CPED1: variants seen among roughly 807,000 people sequenced by gnomAD.
CPED1 encodes the protein cadherin like and PC-esterase domain containing 1, also known as cadherin-like and PC-esterase domain-containing protein 1.
Under a neutral mutation model 128.2 loss-of-function variants are expected in CPED1, and 114 were observed. The ratio of observed to expected loss-of-function variants is 0.89; its 90% CI spans 0.76 to 1.04. CPED1 has a LOEUF of 1.04. Among genes scored for constraint, CPED1 ranks in the 50% least tolerant of loss-of-function variants. CPED1 has a pLI of 0.00. For missense variants in CPED1, 1,211 were observed against 1,207.1 expected, an observed-to-expected ratio of 1.00 and a Z score of -0.05; for synonymous variants, 462 against 426.7, an observed-to-expected ratio of 1.08 and a Z score of -1.02.
chr7:121,050,905 C>G (rs1323139715), intron 4 of CPED1: 2 of 484,154 alleles, frequency 4.1e-6, no homozygotes, highest in East Asian at 1.2e-4. Context: ...TCCTCGTCAC[C>G]AGGATGCCCA....
At chr7:121,222,968 C>A (rs949257285) in intron 16 of CPED1, among the ~76,000 whole-genome samples, 1 of 152,108 alleles carries the variant, frequency 6.6e-6, no homozygotes, top group Non-Finnish European at 1.5e-5. Flanking sequence ...GCCTGATTGC[C>A]CTGGCCAGAA....
At chr7:120,998,266 G>C (rs1331252861) in intron 2 of CPED1, among the ~76,000 whole-genome samples, 1 of 152,098 alleles carries the variant, frequency 6.6e-6, no homozygotes, top group Non-Finnish European at 1.5e-5. Context: ...AGCAGCTCTA[G>C]GAAACTAATA....
rs918613461 is a variant in CPED1, at chr7:121,142,604, A to C, written c.2055+463A>C. Among the ~76,000 whole-genome samples the C allele has an allele frequency of 7.9e-5, 12 of 152,094 alleles. No individual in the cohort carries two copies. In the East Asian group the frequency reaches 2.3e-3, roughly 29 times the overall value. On this transcript the variant is annotated intron_variant, in intron 16 of 22. Coordinates refer to ENST00000310396, the MANE Select transcript of CPED1 (RefSeq NM_024913.5). ...AACTAAATTTGCTTGGGATAGTTAA[A>C]TTTCTCATTCACTTCTCATACAGTA...
At chr7:121,030,817 G>C (rs552043539) in intron 3 of CPED1, among the ~76,000 whole-genome samples, 38 of 152,208 alleles carry the variant, frequency 2.5e-4, no homozygotes, top group African/African-American at 8.9e-4. Flanking sequence ...TGAGGGGGGA[G>C]GTCTTGAAAC....
intron 7 of CPED1, among the ~76,000 whole-genome samples, chr7:121,101,361 T>A (rs1157205900): frequency 6.6e-6 from 1 of 152,188 alleles, no homozygotes; most frequent in African/African-American, 2.4e-5. Context: ...GTTTTCAATT[T>A]GAGTCTGATG....
At chr7:121,052,808 G>C (rs1190115389) in intron 4 of CPED1, among the ~76,000 whole-genome samples, 1 of 151,996 alleles carries the variant, frequency 6.6e-6, no homozygotes, top group Non-Finnish European at 1.5e-5. Flanking sequence ...CTGCAACTGC[G>C]GCCTCCTGGG....
rs57382514 is a variant in CPED1 at position 121,129,894 on chromosome 7, GA to G, written c.1408-220del. 2.1e-4 allele frequency among the ~76,000 whole-genome samples: 31 copies of G among 146,038 alleles called. No homozygotes were observed. The South Asian group carries it at 2.1e-3, about 10-fold the overall frequency. On this transcript the variant is annotated intron_variant, in intron 11 of 22. Transcript: ENST00000310396. ...GAAATCCGCTTATATTCAATGAAAAGAAAAAAAAAAACTCACCCTATTTGGA... is the reference window on the plus strand; with the variant it reads ...GAAATCCGCTTATATTCAATGAAAAGAAAAAAAAAACTCACCCTATTTGGA...
At chr7:121,195,892 G>T (rs1166154001) in intron 16 of CPED1, among the ~76,000 whole-genome samples, 1 of 152,058 alleles carries the variant, frequency 6.6e-6, no homozygotes, top group African/African-American at 2.4e-5. Context: ...TGGAGAAATA[G>T]GGGTTTTCTT....
intron 21 of CPED1, among the ~76,000 whole-genome samples, chr7:121,270,234 G>A (rs1268768270): frequency 6.6e-6 from 1 of 151,954 alleles, no homozygotes; most frequent in Non-Finnish European, 1.5e-5. Context: ...ACTTTTTAAT[G>A]GGTTTGTTTT....
chr7:121,098,765 TAAATATATATATATAAAAATATATAA>T lies in CPED1; in HGVS notation c.749+946_749+971del, dbSNP rs1794762626. Among the ~76,000 whole-genome samples, 5 of 38,582 alleles carry T rather than the reference TAAATATATATATATAAAAATATATAA, an allele frequency of 1.3e-4. No individual in the cohort carries two copies. The Admixed American group carries it at 2.7e-3, about 21-fold the overall frequency. The allele number at this position is 38,582 out of a possible 152,430, so 25.3% of individuals were successfully genotyped here. Reference sequence around the variant, plus strand: ...ATATAAAAATATATAAAAATATATATAAATATATATATATAAAAATATATAAAAATATATATAAATATATAAATAAT... The same window carrying T: ...ATATAAAAATATATAAAAATATATATAAATATATATAAATATATAAATAAT... On this transcript the variant is annotated intron_variant, in intron 6 of 22. Coordinates refer to ENST00000310396, the MANE Select transcript of CPED1 (RefSeq NM_024913.5).
intron 16 of CPED1, among the ~76,000 whole-genome samples, chr7:121,209,263 C>A (rs532960841): frequency 2.0e-5 from 3 of 151,990 alleles, no homozygotes; most frequent in Non-Finnish European, 4.4e-5. Context: ...TTTTATATAA[C>A]TAGTCATTGG....
intron 18 of CPED1, among the ~76,000 whole-genome samples, chr7:121,251,489 T>A (rs1221571398): frequency 1.3e-5 from 2 of 152,104 alleles, no homozygotes; most frequent in African/African-American, 4.8e-5. Context: ...GAGAAGGAAA[T>A]AAAGGGCATT....
intron 7 of CPED1, among the ~76,000 whole-genome samples, chr7:121,118,845 G>A (rs798943): frequency 0.34 from 52,223 of 151,722 alleles, 9,308 homozygotes; most frequent in Middle Eastern, 0.5. Flanking sequence ...GGGAGGCATC[G>A]CACTTTAAAA....
At chr7:121,111,592 A>G (rs1563029596) in intron 7 of CPED1, among the ~76,000 whole-genome samples, 1 of 152,184 alleles carries the variant, frequency 6.6e-6, no homozygotes. Context: ...TGCTCACCCT[A>G]AAAAGGGTTC....
chr7:121,078,321 G>T (rs1175301230), intron 5 of CPED1, among the ~76,000 whole-genome samples: 2 of 152,056 alleles, frequency 1.3e-5, no homozygotes, highest in Admixed American at 6.6e-5. Flanking sequence ...GGGATTACAG[G>T]TGTGAGCCAC....
chr7:121,012,566 G>A (rs538930796), intron 2 of CPED1, among the ~76,000 whole-genome samples: 76 of 152,270 alleles, frequency 5.0e-4, no homozygotes, highest in African/African-American at 1.7e-3. Flanking sequence ...TTGCTAGTGC[G>A]GTTGACATAA....
intron 7 of CPED1, among the ~76,000 whole-genome samples, chr7:121,101,648 A>G (rs1367666397): frequency 6.6e-6 from 1 of 152,070 alleles, no homozygotes; most frequent in Non-Finnish European, 1.5e-5. Flanking sequence ...TATTTAGTTC[A>G]TGGTTCTGCA....
At chr7:121,098,755 A>G (rs1974659) in intron 6 of CPED1, among the ~76,000 whole-genome samples, 1 of 104,934 alleles carries the variant, frequency 9.5e-6, no homozygotes, top group African/African-American at 4.1e-5. Context: ...AAAATATATA[A>G]AAATATATAT....
intron 22 of CPED1, among the ~76,000 whole-genome samples, chr7:121,277,434 A>G (rs1022423594): frequency 2.6e-5 from 4 of 152,130 alleles, no homozygotes; most frequent in Non-Finnish European, 5.9e-5. Context: ...AAACCATGAA[A>G]ATAGATCATC....
Sources: allele counts gnomAD v4.1 joint callset (sites outside exome capture counted in the v4.1 genomes callset), GRCh38; gene constraint gnomAD v4.1.1; transcripts MANE v1.5; gene names NCBI Gene and HGNC (gene_info 2026-07-23, HGNC 2026-07-21).